COL4A5: variants seen among roughly 807,000 people sequenced by gnomAD.
The protein encoded by COL4A5 is collagen type IV alpha 5 chain.
Under a neutral mutation model 130.2 loss-of-function variants are expected in COL4A5, and 26 were observed. The ratio of observed to expected loss-of-function variants is 0.20; its 90% CI spans 0.15 to 0.28. The LOEUF is 0.28. COL4A5 is among the 10% of genes least tolerant of loss of function. The probability of loss-of-function intolerance (pLI) is 1.00; values close to 1 mark genes in which losing one functional copy is unlikely to be tolerated. For synonymous variants in COL4A5, 496 were observed against 439.6 expected, an observed-to-expected ratio of 1.13 and a Z score of -1.60; for missense variants, 1,131 against 1,344.3, an observed-to-expected ratio of 0.84 and a Z score of 2.48.
In COL4A5 at chrX:108,650,246, T is replaced by C. The variant is rs764918834; in HGVS notation, c.3247-5085T>C. On this transcript the variant is annotated intron_variant, in intron 36 of 52. Coordinates refer to ENST00000328300, the MANE Select transcript of COL4A5 (RefSeq NM_033380.3). ...CAATACCACTTTACTCCTGCAATAA[T>C]GGCCATAATCAAAAGATCAAAAAAT... is the stretch of plus-strand genomic sequence containing the variant. Among the ~76,000 whole-genome samples, 3 of 107,205 alleles carry C rather than the reference T, an allele frequency of 2.8e-5. No individual in the cohort carries two copies. The Admixed American group carries it at 2.9e-4, about 10-fold the overall frequency. The allele number at this position is 107,205 out of a possible 115,157, so 93.1% of individuals were successfully genotyped here. A position where few individuals can be genotyped will look rare whatever the true frequency, so the allele number is the denominator to read the frequency against.
intron 3 of COL4A5, among the ~76,000 whole-genome samples, chrX:108,561,258 G>C (rs187976920): frequency 2.8e-4 from 31 of 111,466 alleles, no homozygotes; most frequent in Non-Finnish European, 5.7e-5. Context: ...AATTTAGTAA[G>C]GTGGAAGTCA....
chrX:108,599,269 A>G (rs1290962339), intron 25 of COL4A5, among the ~76,000 whole-genome samples: 1 of 111,241 alleles, frequency 9.0e-6, no homozygotes, highest in African/African-American at 3.3e-5. Flanking sequence ...ACTTTTACAT[A>G]GTTTTCTTCC....
chrX:108,575,865 T>G, intron 9 of COL4A5, 45 bp from the exon 10 acceptor site: 11 of 910,907 alleles, frequency 1.2e-5, no homozygotes, highest in Non-Finnish European at 1.4e-5. Flanking sequence ...ATAAGGGGCT[T>G]GTTTTTCTTT....
chrX:108,623,414 G>A (rs768034793), intron 33 of COL4A5, among the ~76,000 whole-genome samples: 256 of 104,860 alleles, frequency 2.4e-3, no homozygotes, highest in Middle Eastern at 5.0e-3. Context: ...CAAATACAGC[G>A]TAAAATATTA....
chrX:108,596,306 C>G (rs2066515743), intron 22 of COL4A5, among the ~76,000 whole-genome samples: 1 of 112,085 alleles, frequency 8.9e-6, no homozygotes, highest in African/African-American at 3.2e-5. Context: ...AATAATCTAG[C>G]CTTGTACCTC....
At chrX:108,636,517 G>A (rs1039678168) in intron 36 of COL4A5, among the ~76,000 whole-genome samples, 4 of 110,449 alleles carry the variant, frequency 3.6e-5, no homozygotes, top group East Asian at 2.8e-4. Context: ...GACAGCTCAC[G>A]AGATGAAAGA....
intron 2 of COL4A5, among the ~76,000 whole-genome samples, chrX:108,541,000 T>G (rs2065531535): frequency 8.9e-6 from 1 of 112,237 alleles, no homozygotes; most frequent in Admixed American, 9.5e-5. Flanking sequence ...TAATTATATA[T>G]GAAGCAGTTT....
At position 108,559,116 on chromosome X, in the gene COL4A5, C is replaced by A; in HGVS notation, c.194C>A (p.Pro65Gln). The change falls in exon 3 of 53, where the codon CCA (proline) becomes CAA (glutamine). Residue 65 changes from proline to glutamine, a missense_variant. By Grantham distance (76) the Pro-to-Gln change is moderately conservative. Coordinates refer to ENST00000328300, the MANE Select transcript of COL4A5 (RefSeq NM_033380.3). ...LEGHPGLPGF[P>Q]GPEGPPGPRG... ...GGACACCCAGGATTGCCTGGATTTC[C>A]AGGTCCAGAAGGGCCTCCGGGGCCT... The A allele has an allele frequency of 8.3e-7, 1 of 1,210,919 alleles. No individual in the cohort carries two copies. The highest frequency in any genetic ancestry group is 1.1e-6 in the Non-Finnish European group (1 of 894,907).
At chrX:108,468,816 ATAATTT>A (rs779186525) in intron 1 of COL4A5, among the ~76,000 whole-genome samples, 323 of 109,220 alleles carry the variant, frequency 3.0e-3, no homozygotes, top group African/African-American at 0.01. Context: ...CTATTAATCT[ATAATTT>A]TATTTTCTTT....
chrX:108,568,744 T>C lies in COL4A5; in HGVS notation c.322-15T>C. 2 of 1,209,029 alleles carry C rather than the reference T, an allele frequency of 1.7e-6. No individual in the cohort carries two copies. Among genetic ancestry groups the C allele is most frequent in the Non-Finnish European group, 2.2e-6 (2 of 893,141 alleles). On this transcript the variant is annotated splice_polypyrimidine_tract_variant and intron_variant, in intron 5 of 52. Transcript: ENST00000328300. ...TCTAAGACATATTATACATGTGTTATGTCGCTTTTCAAAGGGAATGCCAGG... is the reference window on the plus strand; with the variant it reads ...TCTAAGACATATTATACATGTGTTACGTCGCTTTTCAAAGGGAATGCCAGG...
chrX:108,599,674 G>A (rs1450320669), intron 25 of COL4A5, among the ~76,000 whole-genome samples: 3 of 111,711 alleles, frequency 2.7e-5, no homozygotes, highest in Non-Finnish European at 3.8e-5. Flanking sequence ...TACAGTCCAT[G>A]GACCACATCC....
At chrX:108,578,671 A>G (rs1483443187) in intron 13 of COL4A5, among the ~76,000 whole-genome samples, 2 of 106,781 alleles carry the variant, frequency 1.9e-5, no homozygotes, top group African/African-American at 7.2e-5. Flanking sequence ...CAAGGATTTG[A>G]GATTATTAAT....
chrX:108,626,991 A>G, intron 36 of COL4A5: 1 of 741,551 alleles, frequency 1.3e-6, no homozygotes. Flanking sequence ...TTTGGTACTC[A>G]GTTTTCATGG....
intron 2 of COL4A5, among the ~76,000 whole-genome samples, chrX:108,545,515 G>T (rs1026082599): frequency 9.0e-6 from 1 of 111,717 alleles, no homozygotes; most frequent in Admixed American, 9.5e-5. Context: ...GCTGAGGAGT[G>T]CTTTACTTCC....
At position 108,440,203 on chromosome X, in the gene COL4A5, T is replaced by G; in HGVS notation, c.78T>G (p.Ala26=). The part of the protein sequence containing the change: ...ALSLWGQPAE[A]AACYGCSPGS... ...GTCTTTGGGGGCAGCCTGCAGAGGC[T>G]GCGGTAAGTCCTTCCTCCCCTCCCC... The change falls in exon 1 of 53, where the codon GCT becomes GCG. Residue 26 remains alanine, a synonymous_variant. Coordinates refer to ENST00000328300, the MANE Select transcript of COL4A5 (RefSeq NM_033380.3). 8.4e-7 allele frequency: 1 copy of G among 1,192,107 alleles called. No individual in the cohort carries two copies. The highest frequency in any genetic ancestry group is 3.0e-5 in the East Asian group (1 of 33,592).
intron 1 of COL4A5, among the ~76,000 whole-genome samples, chrX:108,474,424 G>A (rs747258654): frequency 2.7e-5 from 3 of 111,824 alleles, no homozygotes; most frequent in Admixed American, 9.5e-5. Context: ...TAGCCTAGAA[G>A]CAATAGATTA....
At chrX:108,632,861 A>G (rs1374539333) in intron 36 of COL4A5, among the ~76,000 whole-genome samples, 1 of 111,677 alleles carries the variant, frequency 9.0e-6, no homozygotes, top group Non-Finnish European at 1.9e-5. Context: ...TGACAAACCC[A>G]CAGCCAGTAT....
At chrX:108,676,085 A>T (rs2068297014) in intron 43 of COL4A5, among the ~76,000 whole-genome samples, 1 of 112,008 alleles carries the variant, frequency 8.9e-6, no homozygotes, top group African/African-American at 3.2e-5. Flanking sequence ...TTTGCCATTG[A>T]TTCTGAATCT....
chrX:108,534,170 GAGAA>G (rs759005865), intron 1 of COL4A5, among the ~76,000 whole-genome samples: 7 of 108,956 alleles, frequency 6.4e-5, no homozygotes, highest in South Asian at 3.9e-4. Flanking sequence ...GAGAGAGAAA[GAGAA>G]AGAAAGAAAG....
Sources: gnomAD v4.1 joint callset for allele counts (sites outside exome capture counted in the v4.1 genomes callset) on GRCh38, gnomAD v4.1.1 for gene constraint, MANE v1.5 for transcripts, NCBI Gene and HGNC (gene_info 2026-07-23, HGNC 2026-07-21) for gene names.